DAB2IP: variants seen among roughly 807,000 people sequenced by gnomAD.
DAB2IP encodes the protein disabled homolog 2-interacting protein.
A neutral mutation model predicts 107.2 loss-of-function variants in DAB2IP; 28 were observed. The ratio of observed to expected loss-of-function variants is 0.26; its 90% confidence interval spans 0.19 to 0.36. The LOEUF (loss-of-function observed/expected upper bound fraction) is 0.36. DAB2IP is among the 10% of genes least tolerant of loss of function. The pLI is 1.00. For synonymous variants in DAB2IP, 755 were observed against 706.4 expected, an observed-to-expected ratio of 1.07 and a Z score of -1.09; for missense variants, 1,400 against 1,644.7, an observed-to-expected ratio of 0.85 and a Z score of 2.57.
At chr9:121,623,968 T>C (rs1003976773) in intron 1 of DAB2IP, among the ~76,000 whole-genome samples, 11 of 152,226 alleles carry the variant, frequency 7.2e-5, no homozygotes, top group Non-Finnish European at 1.6e-4. Flanking sequence ...TCCATGTTTG[T>C]ACATTTTCTA....
chr9:121,780,176 GT>G (rs1835505103), intron 14 of DAB2IP, among the ~76,000 whole-genome samples: 1 of 152,180 alleles, frequency 6.6e-6, no homozygotes, highest in African/African-American at 2.4e-5. Flanking sequence ...GTGAGCCAAT[GT>G]GCCCGGCCCT....
upstream of DAB2IP, among the ~76,000 whole-genome samples, chr9:121,650,863 C>T (rs1405424651): frequency 1.3e-5 from 2 of 151,996 alleles, no homozygotes; most frequent in African/African-American, 4.8e-5. Flanking sequence ...AGAGGTGAGG[C>T]TGGAGGGGAC....
chr9:121,740,189 C>T (rs1338632804), intron 3 of DAB2IP, among the ~76,000 whole-genome samples: 4 of 152,140 alleles, frequency 2.6e-5, no homozygotes, highest in African/African-American at 7.2e-5. Flanking sequence ...CTGTCCACAG[C>T]GTAGGTTTAC....
intron 1 of DAB2IP, among the ~76,000 whole-genome samples, chr9:121,637,030 T>C (rs1832114003): frequency 6.6e-6 from 1 of 152,198 alleles, no homozygotes. Context: ...GGACACTTTG[T>C]TTTGTAATGC....
intron 3 of DAB2IP, among the ~76,000 whole-genome samples, chr9:121,717,625 C>T (rs1830681148): frequency 6.6e-6 from 1 of 152,250 alleles, no homozygotes; most frequent in South Asian, 2.1e-4. Flanking sequence ...GTTTACTCCT[C>T]TCTACCCATA....
chr9:121,730,146 GGAAA>G (rs1272226697), intron 3 of DAB2IP, among the ~76,000 whole-genome samples: 1 of 152,134 alleles, frequency 6.6e-6, no homozygotes, highest in Non-Finnish European at 1.5e-5. Flanking sequence ...TGGCCGCCAA[GGAAA>G]GAAAGAAACT....
chr9:121,606,668 T>G (rs1262872409), intron 1 of DAB2IP, among the ~76,000 whole-genome samples: 2 of 152,148 alleles, frequency 1.3e-5, no homozygotes, highest in Non-Finnish European at 2.9e-5. Context: ...TTTGACATTC[T>G]TGTGTTGGGA....
At position 121,571,044 on chromosome 9, in the gene DAB2IP, C is replaced by A. The variant is rs145252410; in HGVS notation, c.40+3816C>A. On this transcript the variant is annotated intron_variant, in intron 1 of 16. Transcript: ENST00000259371. ...GCCATCAGATCTGACCTTCCTCACG[C>A]CCCCAAGCTGTCTCCCCCCAGGGCC... Among the ~76,000 whole-genome samples the A allele has an allele frequency of 5.7e-4, 87 of 152,142 alleles. 1 individual carries two copies. Among genetic ancestry groups the A allele is most frequent in the African/African-American group, 2.0e-3 (84 of 41,442 alleles).
chr9:121,703,035 C>T (rs1417778785), intron 3 of DAB2IP, among the ~76,000 whole-genome samples: 1 of 152,116 alleles, frequency 6.6e-6, no homozygotes, highest in Non-Finnish European at 1.5e-5. Flanking sequence ...GGGATCGATT[C>T]CCCCTTCCAG....
chr9:121,745,961 G>A (rs970316790), intron 3 of DAB2IP, among the ~76,000 whole-genome samples: 1 of 152,184 alleles, frequency 6.6e-6, no homozygotes, highest in African/African-American at 2.4e-5. Context: ...TTAAATGGGG[G>A]TCTTTCAGAT....
intron 3 of DAB2IP, among the ~76,000 whole-genome samples, chr9:121,731,514 G>T (rs900096583): frequency 2.0e-5 from 3 of 152,240 alleles, no homozygotes; most frequent in African/African-American, 7.2e-5. Flanking sequence ...ATGCTGTCTT[G>T]TTATAGAATT....
chr9:121,589,883 T>C lies in DAB2IP; in HGVS notation c.40+22655T>C, dbSNP rs542789060. 2.0e-5 allele frequency among the ~76,000 whole-genome samples: 3 copies of C among 150,624 alleles called. No individual in the cohort carries two copies. In the East Asian group the frequency reaches 6.0e-4, roughly 30 times the overall value. On this transcript the variant is annotated intron_variant, in intron 1 of 16. Transcript: ENST00000259371. ...TAGGCTGAGGCTTGCACTGACTGCATGGAAGCTCAATTCCTCCTTCTGCCC... is the reference window on the plus strand; with the variant it reads ...TAGGCTGAGGCTTGCACTGACTGCACGGAAGCTCAATTCCTCCTTCTGCCC...
chr9:121,774,223 C>T, intron 12 of DAB2IP, 37 bp from the exon 13 acceptor site: 1 of 1,539,478 alleles, frequency 6.5e-7, no homozygotes, highest in South Asian at 1.2e-5. Flanking sequence ...TTGCCCTCCA[C>T]CTCCCTGCAG....
At chr9:121,758,677 A>G (rs551151625) in intron 4 of DAB2IP, among the ~76,000 whole-genome samples, 2 of 152,050 alleles carry the variant, frequency 1.3e-5, no homozygotes, top group South Asian at 2.1e-4. Context: ...GGATGGGGCC[A>G]CTCTCCGGCT....
In DAB2IP at chr9:121,701,166, C is replaced by T. The variant is rs909250976; in HGVS notation, c.362+1708C>T. Among the ~76,000 whole-genome samples, 4 of 152,238 alleles carry T rather than the reference C, an allele frequency of 2.6e-5. No individual in the cohort carries two copies. Among genetic ancestry groups the T allele is most frequent in the Non-Finnish European group, 5.9e-5 (4 of 68,040 alleles). On this transcript the variant is annotated intron_variant, in intron 3 of 15. Coordinates refer to ENST00000408936, the Ensembl canonical transcript of DAB2IP. The surrounding 1 kb of genome is among the most constrained non-coding windows in gnomAD (Gnocchi z 4.7). ...GTGGTTGTCCGGGGAGCAGGAGAGA[C>T]AACAGGCAGTCCGGCTTCTGAGTGT...
chr9:121,738,330 A>G (rs1312078942), intron 3 of DAB2IP, among the ~76,000 whole-genome samples: 2 of 152,172 alleles, frequency 1.3e-5, no homozygotes, highest in African/African-American at 4.8e-5. Flanking sequence ...TTAATAATCC[A>G]TGTCTGTCTC....
intron 2 of DAB2IP, among the ~76,000 whole-genome samples, chr9:121,681,000 C>G (rs541845296): frequency 7.9e-5 from 12 of 152,258 alleles, no homozygotes; most frequent in Admixed American, 4.6e-4. Flanking sequence ...ACCTCGGCCT[C>G]TCAAAGTGCT....
At chr9:121,709,589 A>C (rs1319516697) in intron 3 of DAB2IP, among the ~76,000 whole-genome samples, 1 of 152,220 alleles carries the variant, frequency 6.6e-6, no homozygotes, top group Non-Finnish European at 1.5e-5. Flanking sequence ...TTTCAAACCC[A>C]GGCGGTTGGC....
chr9:121,706,849 C>A (rs1258115369), intron 3 of DAB2IP, among the ~76,000 whole-genome samples: 1 of 152,232 alleles, frequency 6.6e-6, no homozygotes, highest in Non-Finnish European at 1.5e-5. Context: ...TGGAAGCCAC[C>A]AGCGTGCAGC....
Sources: allele counts gnomAD v4.1 joint callset (sites outside exome capture counted in the v4.1 genomes callset), GRCh38; gene constraint gnomAD v4.1.1; non-coding constraint Gnocchi (gnomAD v3.1); transcripts MANE v1.5; gene names NCBI Gene and HGNC (gene_info 2026-07-23, HGNC 2026-07-21).